The following DAB1 variants were observed in gnomAD, a reference collection of about 807,000 sequenced individuals.
The protein encoded by DAB1 is disabled homolog 1.
Under a neutral mutation model 64.6 loss-of-function variants are expected in DAB1, and 15 were observed. That is an observed-to-expected ratio of 0.23 (90% confidence interval 0.16 to 0.36). The LOEUF (loss-of-function observed/expected upper bound fraction) is 0.36. DAB1 is among the 10% of genes least tolerant of loss of function. The pLI is 1.00. For missense variants in DAB1, 596 were observed against 706.7 expected (o/e 0.84, Z 1.78); for synonymous variants, 235 against 251.9 (o/e 0.93, Z 0.64).
intron 5 of DAB1, among the ~76,000 whole-genome samples, chr1:57,934,085 G>T (rs1644991460): frequency 6.6e-6 from 1 of 151,190 alleles, no homozygotes; most frequent in Non-Finnish European, 1.5e-5. Context: ...GTGTGTGTGT[G>T]TGTGTGTGTG....
chr1:57,854,667 T>C (rs548370235), intron 1 of DAB1, among the ~76,000 whole-genome samples: 5 of 152,296 alleles, frequency 3.3e-5, no homozygotes, highest in Non-Finnish European at 7.4e-5. Flanking sequence ...AAGCTGGTGG[T>C]CTGGTTGCTT....
intron 3 of DAB1, among the ~76,000 whole-genome samples, chr1:58,393,331 A>G (rs1644492137): frequency 6.6e-6 from 1 of 152,140 alleles, no homozygotes; most frequent in South Asian, 2.1e-4. Flanking sequence ...TTATTGATTG[A>G]GCAGAGATGG....
At chr1:58,273,769 A>C (rs1218491185) in intron 4 of DAB1, among the ~76,000 whole-genome samples, 77 of 65,188 alleles carry the variant, frequency 1.2e-3, no homozygotes, top group African/African-American at 4.2e-3. Context: ...TTCATCTTCC[A>C]TTGCTGATAC....
chr1:58,251,436 G>A (rs1660794060), intron 4 of DAB1, among the ~76,000 whole-genome samples: 3 of 152,296 alleles, frequency 2.0e-5, no homozygotes, highest in South Asian at 2.1e-4. Flanking sequence ...AGTAGATGGC[G>A]ACATGTGATA....
rs542584426 is a variant in DAB1 at position 58,453,608 on chromosome 1, C to A, written n.257+52452G>T. Among the ~76,000 whole-genome samples, 7 of 152,292 alleles carry A rather than the reference C, an allele frequency of 4.6e-5. No individual in the cohort carries two copies. The South Asian group carries it at 1.5e-3, about 32-fold the overall frequency. On this transcript the variant is annotated intron_variant and non_coding_transcript_variant, in intron 3 of 20. Coordinates refer to the DAB1 transcript ENST00000485760. ...TGCTGCAAAGGCTTTGTGAAATAAG[C>A]CCCTCTGGAGTCAACCTCCTTGATG... is the stretch of plus-strand genomic sequence containing the variant.
intron 7 of DAB1, among the ~76,000 whole-genome samples, chr1:57,438,567 T>C (rs1454925306): frequency 1.3e-5 from 2 of 152,030 alleles, no homozygotes; most frequent in Non-Finnish European, 2.9e-5. Context: ...ATTATCTCTA[T>C]TTTCCAGCAA....
intron 6 of DAB1, among the ~76,000 whole-genome samples, chr1:57,816,507 T>C (rs1304551504): frequency 6.6e-6 from 1 of 152,232 alleles, no homozygotes; most frequent in Admixed American, 6.5e-5. Flanking sequence ...AACAGTCCCA[T>C]CTTCCTTTTG....
chr1:58,508,550 C>G (rs1247586534), intron 2 of DAB1, among the ~76,000 whole-genome samples: 1 of 152,158 alleles, frequency 6.6e-6, no homozygotes, highest in Non-Finnish European at 1.5e-5. Flanking sequence ...ACCCCCAATA[C>G]AGCACCATAT....
At chr1:57,678,246 T>C (rs138735871) in intron 6 of DAB1, among the ~76,000 whole-genome samples, 56 of 152,276 alleles carry the variant, frequency 3.7e-4, no homozygotes, top group Middle Eastern at 3.4e-3. Flanking sequence ...CAAGTGCCCA[T>C]ATTGTGAGAG....
At chr1:57,923,084 A>C (rs12035212) in intron 5 of DAB1, among the ~76,000 whole-genome samples, 1 of 151,598 alleles carries the variant, frequency 6.6e-6, no homozygotes, top group African/African-American at 2.4e-5. Context: ...CTCAGGTTGA[A>C]ACCCTAGAAT....
chr1:57,837,852 ATC>A (rs1264053272), intron 1 of DAB1, among the ~76,000 whole-genome samples: 1 of 107,100 alleles, frequency 9.3e-6, no homozygotes, highest in Non-Finnish European at 1.8e-5. Context: ...TACTACCACC[ATC>A]TCCACCATTT....
chr1:58,480,716 G>A (rs1325461424), intron 3 of DAB1: 3 of 304,970 alleles, frequency 9.8e-6, no homozygotes, highest in Non-Finnish European at 1.8e-5. Context: ...GTAGAAGACA[G>A]AGTAAAATGT....
chr1:57,651,005 T>G (rs1209626686), intron 6 of DAB1, among the ~76,000 whole-genome samples: 1 of 152,170 alleles, frequency 6.6e-6, no homozygotes, highest in Non-Finnish European at 1.5e-5. Flanking sequence ...AAGAATTAAT[T>G]AATGAAATGG....
At chr1:58,045,045 A>G (rs1647209334) in intron 5 of DAB1, among the ~76,000 whole-genome samples, 3 of 152,248 alleles carry the variant, frequency 2.0e-5, no homozygotes, top group African/African-American at 4.8e-5. Flanking sequence ...AGATGAAAAC[A>G]TACAATTGGA....
chr1:57,252,573 A>G (rs979157912), intron 2 of DAB1, among the ~76,000 whole-genome samples: 14 of 152,244 alleles, frequency 9.2e-5, no homozygotes, highest in Non-Finnish European at 2.1e-4. Context: ...TGTACCTACT[A>G]TGTGCCAAAT....
At chr1:57,310,023 A>G (rs1284113652) in intron 1 of DAB1, among the ~76,000 whole-genome samples, 3 of 152,190 alleles carry the variant, frequency 2.0e-5, no homozygotes, top group Non-Finnish European at 4.4e-5. Flanking sequence ...TCTTTCAATC[A>G]ATGCATAGTA....
intron 1 of DAB1, among the ~76,000 whole-genome samples, chr1:57,375,872 A>T (rs1570400493): frequency 6.6e-6 from 1 of 152,352 alleles, no homozygotes; most frequent in East Asian, 1.9e-4. Flanking sequence ...GCATTCCTTC[A>T]TTCAACGAAT....
chr1:57,218,701 G>A (rs1246787714), intron 2 of DAB1, among the ~76,000 whole-genome samples: 4 of 151,976 alleles, frequency 2.6e-5, no homozygotes, highest in African/African-American at 9.7e-5. Flanking sequence ...CCATATTTTA[G>A]CACATTCCAT....
chr1:58,207,123 G>C (rs1219890246), intron 4 of DAB1, among the ~76,000 whole-genome samples: 1 of 152,206 alleles, frequency 6.6e-6, no homozygotes, highest in East Asian at 1.9e-4. Context: ...AAACTCAGCT[G>C]ACTTGCCAAC....
Sources: allele counts gnomAD v4.1 joint callset (sites outside exome capture counted in the v4.1 genomes callset), GRCh38; gene constraint gnomAD v4.1.1; transcripts MANE v1.5; gene names NCBI Gene and HGNC (gene_info 2026-07-23, HGNC 2026-07-21).